The following LRRC4B variants were observed in gnomAD, a reference collection of about 807,000 sequenced individuals.
LRRC4B encodes the protein leucine rich repeat containing 4B.
Under a neutral mutation model 7.3 loss-of-function variants are expected in LRRC4B, and 1 was observed. The ratio of observed to expected loss-of-function variants is 0.14; its 90% CI spans 0.05 to 0.65. LRRC4B has a LOEUF of 0.65. Among genes scored for constraint, LRRC4B ranks in the 30% least tolerant of loss-of-function variants. The pLI, the probability that LRRC4B is intolerant of heterozygous loss-of-function variation, is 0.84. For missense variants in LRRC4B, 730 were observed against 1,041.6 expected (o/e 0.70, Z 4.12); for synonymous variants, 500 against 499.2 (o/e 1.00, Z -0.02).
At chr19:50,552,366 C>A (rs921380482) in intron 1 of LRRC4B, among the ~76,000 whole-genome samples, 1 of 152,036 alleles carries the variant, frequency 6.6e-6, no homozygotes, top group Admixed American at 6.6e-5. Flanking sequence ...CTGGAACCTG[C>A]GCCCTGCACC....
intron 2 of LRRC4B, among the ~76,000 whole-genome samples, chr19:50,530,863 A>G (rs1336007401): frequency 6.8e-6 from 1 of 147,530 alleles, no homozygotes; most frequent in Non-Finnish European, 1.5e-5. Flanking sequence ...CAGCCTCCCA[A>G]GTAGCTGGGA....
intron 2 of LRRC4B, among the ~76,000 whole-genome samples, chr19:50,525,116 G>A (rs775748491): frequency 1.3e-5 from 2 of 152,210 alleles, no homozygotes; most frequent in Non-Finnish European, 2.9e-5. Flanking sequence ...GGTCACGGGT[G>A]TAGTGTGAAG....
intron 1 of LRRC4B, among the ~76,000 whole-genome samples, chr19:50,558,681 T>C (rs1012198500): frequency 1.7e-4 from 26 of 152,242 alleles, no homozygotes; most frequent in African/African-American, 6.0e-4. Flanking sequence ...GAATTCTTCA[T>C]TCGACTTGAT....
rs1982166587 is a variant in LRRC4B, at chr19:50,553,391, T to C, written c.-35-4518A>G. On this transcript the variant is annotated intron_variant, in intron 1 of 2. Transcript: ENST00000652263. This position sits in a 1 kb window ranked among gnomAD's most constrained non-coding sequence, Gnocchi z 4.2. ...GGTCTCCACTCTCCACCCCAGCTCC[T>C]CCTCTGACCTCATCGCTTCCCTCCT... Among the ~76,000 whole-genome samples, 1 of 152,152 alleles carries C rather than the reference T, an allele frequency of 6.6e-6. No individual in the cohort carries two copies. The highest frequency in any genetic ancestry group is 2.4e-5 in the African/African-American group (1 of 41,442).
chr19:50,552,565 C>T (rs1292424825), intron 1 of LRRC4B, among the ~76,000 whole-genome samples: 5 of 151,796 alleles, frequency 3.3e-5, no homozygotes, highest in Non-Finnish European at 5.9e-5. Context: ...TCCATCCATC[C>T]GTCCACCCAT....
At chr19:50,551,133 G>A (rs922405209) in intron 1 of LRRC4B, 3 of 62,746 alleles carry the variant, frequency 4.8e-5, no homozygotes, top group Non-Finnish European at 9.3e-5. Context: ...TCCCCCCGCC[G>A]CCCTCCGCCA....
chr19:50,560,891 C>T (rs1054257269), intron 1 of LRRC4B, among the ~76,000 whole-genome samples: 1 of 152,062 alleles, frequency 6.6e-6, no homozygotes, highest in African/African-American at 2.4e-5. Flanking sequence ...GAGTTCAAGA[C>T]CAGGCCGGCC....
chr19:50,544,898 GA>G (rs939692750), intron 2 of LRRC4B, among the ~76,000 whole-genome samples: 2 of 150,712 alleles, frequency 1.3e-5, no homozygotes, highest in East Asian at 1.9e-4. Context: ...TCATAAAAAA[GA>G]AAAAAAATCG....
At chr19:50,542,874 A>C (rs929132828) in intron 2 of LRRC4B, among the ~76,000 whole-genome samples, 2 of 152,136 alleles carry the variant, frequency 1.3e-5, no homozygotes, top group African/African-American at 4.8e-5. Flanking sequence ...ACCAAAGATG[A>C]ATGGCAACGT....
At position 50,519,881 on chromosome 19, in the gene LRRC4B, C is replaced by CA. The variant is rs893919093; in HGVS notation, c.298-467dup. Among the ~76,000 whole-genome samples, 1 of 146,564 alleles carries CA rather than the reference C, an allele frequency of 6.8e-6. No individual in the cohort carries two copies. Among genetic ancestry groups the CA allele is most frequent in the African/African-American group, 2.5e-5 (1 of 39,504 alleles). Reference sequence around the variant, plus strand: ...GAGCAAGACTCCATGTAGAAACAAACAAAAAAACTGGATTCAAGAATTTTG... The same window carrying CA: ...GAGCAAGACTCCATGTAGAAACAAACAAAAAAAACTGGATTCAAGAATTTTG... On this transcript the variant is annotated intron_variant, in intron 2 of 2. Coordinates refer to ENST00000652263, the MANE Select transcript of LRRC4B (RefSeq NM_001080457.2). This position sits in a 1 kb window ranked among gnomAD's most constrained non-coding sequence, Gnocchi z 8.1.
intron 2 of LRRC4B, among the ~76,000 whole-genome samples, chr19:50,538,829 A>G (rs190496703): frequency 6.6e-6 from 1 of 151,396 alleles, no homozygotes; most frequent in Non-Finnish European, 1.5e-5. Flanking sequence ...TTGGCCTCCC[A>G]AAGTGCTGGG....
At chr19:50,530,333 C>A (rs952895645) in intron 2 of LRRC4B, among the ~76,000 whole-genome samples, 1 of 152,318 alleles carries the variant, frequency 6.6e-6, no homozygotes, top group African/African-American at 2.4e-5. Context: ...CTCCCCATTC[C>A]CCTCTGCATG....
chr19:50,538,559 G>GTTTTTTTTTTTTTTTT (rs71886675), intron 2 of LRRC4B, among the ~76,000 whole-genome samples: 6 of 90,324 alleles, frequency 6.6e-5, no homozygotes, highest in Non-Finnish European at 9.4e-5. Context: ...GTTTTGTCTT[G>GTTTTTTTTTTTTTTTT]TTTTTTTTTT....
At chr19:50,540,386 A>G (rs934963304) in intron 2 of LRRC4B, among the ~76,000 whole-genome samples, 3 of 152,044 alleles carry the variant, frequency 2.0e-5, no homozygotes, top group Non-Finnish European at 4.4e-5. Context: ...TTTTTGAGAC[A>G]GAGTCTTGCT....
In LRRC4B at chr19:50,518,363, C is replaced by T. The variant is rs764100862; in HGVS notation, c.1350G>A (p.Thr450=). Residue 450 remains threonine (T), a synonymous_variant, in exon 3 of 3, where the codon ACG becomes ACA. Transcript: ENST00000652263. ...CGGGGTCCACGGCCGAGACGTTGAG[C>T]GTGGCCGAGGCGGTGGTGTTGCCGG... The part of the protein sequence containing the change: ...NSAGNTTASA[T]LNVSAVDPVA... The T allele has an allele frequency of 1.9e-6, 3 of 1,602,192 alleles. No individual in the cohort carries two copies. The highest frequency in any genetic ancestry group is 2.2e-5 in the South Asian group (2 of 89,620).
At chr19:50,541,385 G>A (rs11301084) in intron 2 of LRRC4B, among the ~76,000 whole-genome samples, 32,375 of 92,966 alleles carry the variant, frequency 0.35, 5,629 homozygotes, top group African/African-American at 0.55. Context: ...AAAAAAAAAA[G>A]AAAAAGAAAA....
intron 2 of LRRC4B, among the ~76,000 whole-genome samples, chr19:50,525,097 G>A (rs1980748075): frequency 1.3e-5 from 2 of 152,298 alleles, no homozygotes; most frequent in East Asian, 1.9e-4. Flanking sequence ...GGACAGACAC[G>A]GAAACAGAGG....
At chr19:50,526,213 G>A (rs1462643319) in intron 2 of LRRC4B, among the ~76,000 whole-genome samples, 2 of 152,026 alleles carry the variant, frequency 1.3e-5, no homozygotes, top group African/African-American at 4.8e-5. Context: ...CAGCTCATCC[G>A]CCTGGCACCA....
intron 2 of LRRC4B, among the ~76,000 whole-genome samples, chr19:50,540,096 G>C (rs943692875): frequency 6.6e-6 from 1 of 152,100 alleles, no homozygotes; most frequent in Admixed American, 6.6e-5. Flanking sequence ...TGAAAGCTCA[G>C]TATTACGTTT....
Sources: allele counts gnomAD v4.1 joint callset (sites outside exome capture counted in the v4.1 genomes callset), GRCh38; gene constraint gnomAD v4.1.1; non-coding constraint Gnocchi (gnomAD v3.1); transcripts MANE v1.5; gene names NCBI Gene and HGNC (gene_info 2026-07-23, HGNC 2026-07-21).